GLIS3: variants seen among roughly 807,000 people sequenced by gnomAD.
The protein encoded by GLIS3 is zinc finger protein GLIS3.
Under a neutral mutation model 78.6 loss-of-function variants are expected in GLIS3, and 53 were observed. The observed-to-expected ratio is 0.67, with a 90% CI of 0.54 to 0.85. The LOEUF (loss-of-function observed/expected upper bound fraction) is 0.85. Ranked by LOEUF, GLIS3 falls within the 40% of genes least tolerant of loss-of-function variation. The probability of loss-of-function intolerance (pLI) is 0.00; values close to 1 mark genes in which losing one functional copy is unlikely to be tolerated. For missense variants in GLIS3, 1,703 were observed against 1,231.1 expected (o/e 1.38, Z -5.74); for synonymous variants, 684 against 509.9 (o/e 1.34, Z -4.60).
intron 2 of GLIS3, among the ~76,000 whole-genome samples, chr9:4,163,984 T>A (rs1835697462): frequency 6.6e-6 from 1 of 152,268 alleles, no homozygotes; most frequent in Non-Finnish European, 1.5e-5. Flanking sequence ...AGTGATTTCC[T>A]GGTCCTTCAT....
At chr9:4,018,406 G>C (rs1262936295) in intron 4 of GLIS3, among the ~76,000 whole-genome samples, 1 of 152,192 alleles carries the variant, frequency 6.6e-6, no homozygotes. Flanking sequence ...AAGAAAGCAA[G>C]ATGAATTACT....
At chr9:3,990,383 C>T (rs923450017) in intron 4 of GLIS3, among the ~76,000 whole-genome samples, 7 of 152,148 alleles carry the variant, frequency 4.6e-5, no homozygotes, top group Admixed American at 2.6e-4. Context: ...ACGGCAATGG[C>T]GCATGTTTTC....
At chr9:3,847,372 C>T (rs1276654647) in intron 9 of GLIS3, among the ~76,000 whole-genome samples, 1 of 152,160 alleles carries the variant, frequency 6.6e-6, no homozygotes, top group Admixed American at 6.5e-5. Context: ...TTATTCTTGT[C>T]TTTTCTTTCT....
At chr9:3,870,909 C>T (rs745308677) in intron 8 of GLIS3, among the ~76,000 whole-genome samples, 2 of 152,236 alleles carry the variant, frequency 1.3e-5, no homozygotes, top group Non-Finnish European at 2.9e-5. Context: ...CAAAAGTCCA[C>T]CGTCCAAAGT....
intron 4 of GLIS3, among the ~76,000 whole-genome samples, chr9:3,969,251 A>T (rs1164151380): frequency 6.6e-6 from 1 of 152,248 alleles, no homozygotes; most frequent in Non-Finnish European, 1.5e-5. Flanking sequence ...AGGCTGAAAT[A>T]TCAATCTCCT....
At chr9:4,020,607 C>G (rs1005780430) in intron 4 of GLIS3, among the ~76,000 whole-genome samples, 12 of 152,218 alleles carry the variant, frequency 7.9e-5, no homozygotes, top group African/African-American at 2.4e-4. Flanking sequence ...GACATGGATT[C>G]TGTCATCAGG....
intron 2 of GLIS3, among the ~76,000 whole-genome samples, chr9:4,165,545 T>G (rs1226765845): frequency 2.0e-5 from 3 of 152,248 alleles, no homozygotes; most frequent in Non-Finnish European, 2.9e-5. Context: ...TAGTTTCTAC[T>G]ATCCAGACCC....
intron 2 of GLIS3, among the ~76,000 whole-genome samples, chr9:4,168,461 A>C (rs1189373496): frequency 6.6e-6 from 1 of 152,224 alleles, no homozygotes; most frequent in Admixed American, 6.5e-5. Flanking sequence ...ATGTTCCCAC[A>C]ACAAAGTCAC....
Position 4,188,843 on chromosome 9 carries a change from T to A in GLIS3, c.389-62902A>T, listed in dbSNP as rs189991821. Among the ~76,000 whole-genome samples, 337 of 152,280 alleles carry A rather than the reference T, an allele frequency of 2.2e-3. 1 individual carries two copies. Among genetic ancestry groups the A allele is most frequent in the African/African-American group, 7.3e-3 (303 of 41,546 alleles). ...TATTTCTGTGGGATCGGTGGTGATA[T>A]CTCCTTTATTATTTTTTATTGCATC... On this transcript the variant is annotated intron_variant, in intron 2 of 10. Coordinates refer to ENST00000381971, the MANE Select transcript of GLIS3 (RefSeq NM_001042413.2).
At chr9:4,117,653 G>A (rs1564072007) in intron 4 of GLIS3, 115 bp downstream of exon 4, 2 of 1,155,790 alleles carry the variant, frequency 1.7e-6, no homozygotes, top group Non-Finnish European at 2.6e-6. Context: ...CCCATCTCAT[G>A]GATACCTAGA....
At chr9:4,284,386 T>C (rs1276761104) in intron 2 of GLIS3, among the ~76,000 whole-genome samples, 2 of 152,158 alleles carry the variant, frequency 1.3e-5, no homozygotes, top group Non-Finnish European at 2.9e-5. Flanking sequence ...TAGTCAAGCA[T>C]GCGCTAAAAG....
chr9:4,377,935 T>G, the GLIS3 span, among the ~76,000 whole-genome samples: 3 of 152,110 alleles, frequency 2.0e-5, no homozygotes, highest in Non-Finnish European at 4.4e-5. Flanking sequence ...GCAACCAATA[T>G]TAAATATTCA....
the GLIS3 span, among the ~76,000 whole-genome samples, chr9:4,443,543 T>C: frequency 6.6e-6 from 1 of 152,180 alleles, no homozygotes; most frequent in African/African-American, 2.4e-5. Flanking sequence ...GGGAAAGCAG[T>C]GTCACCCATT....
intron 9 of GLIS3, among the ~76,000 whole-genome samples, chr9:3,835,258 C>T (rs141564389): frequency 6.6e-6 from 1 of 152,314 alleles, no homozygotes; most frequent in East Asian, 1.9e-4. Context: ...AGCCCCTTCC[C>T]TGCAGTAGGC....
chr9:4,211,719 A>G (rs980170227), intron 2 of GLIS3, among the ~76,000 whole-genome samples: 1 of 152,244 alleles, frequency 6.6e-6, no homozygotes, highest in Non-Finnish European at 1.5e-5. Flanking sequence ...CTTGTATGTG[A>G]ATGTTCATAG....
At chr9:4,138,362 G>A (rs969621986) in intron 2 of GLIS3, among the ~76,000 whole-genome samples, 1 of 152,188 alleles carries the variant, frequency 6.6e-6, no homozygotes, top group African/African-American at 2.4e-5. Context: ...CAACCAATTG[G>A]AGAGAGTGTT....
the GLIS3 span, among the ~76,000 whole-genome samples, chr9:4,383,407 C>A: frequency 1.3e-5 from 2 of 152,140 alleles, no homozygotes; most frequent in African/African-American, 4.8e-5. Context: ...ATTCTTGATT[C>A]ATGGATAAGC....
intron 1 of GLIS3, among the ~76,000 whole-genome samples, chr9:4,287,413 G>C (rs1828095577): frequency 6.6e-6 from 1 of 152,206 alleles, no homozygotes; most frequent in Non-Finnish European, 1.5e-5. Flanking sequence ...ACCCACCCAC[G>C]TGATGATGCC....
At chr9:4,438,092 G>A in the GLIS3 span, among the ~76,000 whole-genome samples, 1 of 152,082 alleles carries the variant, frequency 6.6e-6, no homozygotes, top group African/African-American at 2.4e-5. Flanking sequence ...GAGAAGTTAG[G>A]AAATAACCCA....
Sources: gnomAD v4.1 joint callset for allele counts (sites outside exome capture counted in the v4.1 genomes callset) on GRCh38, gnomAD v4.1.1 for gene constraint, MANE v1.5 for transcripts, NCBI Gene and HGNC (gene_info 2026-07-23, HGNC 2026-07-21) for gene names.